The following PRICKLE1 variants were observed in gnomAD, a reference collection of about 807,000 sequenced individuals.
PRICKLE1 encodes the protein prickle planar cell polarity protein 1.
A neutral mutation model predicts 70.2 loss-of-function variants in PRICKLE1; 14 were observed. The ratio of observed to expected loss-of-function variants is 0.20; its 90% confidence interval spans 0.13 to 0.31. The LOEUF is 0.31. Among genes scored for constraint, PRICKLE1 ranks in the 10% least tolerant of loss-of-function variants. PRICKLE1 has a pLI of 1.00. For missense variants in PRICKLE1, 821 were observed against 1,026.2 expected, an observed-to-expected ratio of 0.80 and a Z score of 2.73; for synonymous variants, 357 against 379.9, an observed-to-expected ratio of 0.94 and a Z score of 0.70.
At chr12:42,547,689 G>A (rs1254560700) in intron 1 of PRICKLE1, among the ~76,000 whole-genome samples, 1 of 152,068 alleles carries the variant, frequency 6.6e-6, no homozygotes, top group Non-Finnish European at 1.5e-5. Context: ...TAAAAGCTAG[G>A]AGCTGGATAA....
At chr12:42,534,883 A>T (rs1404060200) in intron 1 of PRICKLE1, among the ~76,000 whole-genome samples, 2 of 152,242 alleles carry the variant, frequency 1.3e-5, no homozygotes, top group Non-Finnish European at 2.9e-5. Context: ...AGTAAGGACA[A>T]AGAAAATATG....
At chr12:42,504,676 G>A (rs946827287) in intron 1 of PRICKLE1, among the ~76,000 whole-genome samples, 3 of 152,156 alleles carry the variant, frequency 2.0e-5, no homozygotes, top group Admixed American at 6.5e-5. Flanking sequence ...ACACAAGGGC[G>A]GGAATGCAGC....
chr12:42,471,770 T>C (rs1938331189), intron 2 of PRICKLE1, among the ~76,000 whole-genome samples: 1 of 152,234 alleles, frequency 6.6e-6, no homozygotes, highest in Non-Finnish European at 1.5e-5. Flanking sequence ...TGTAAAGATA[T>C]TGGGAAAATT....
At chr12:42,522,210 A>G (rs888789533) in intron 1 of PRICKLE1, among the ~76,000 whole-genome samples, 2 of 152,040 alleles carry the variant, frequency 1.3e-5, no homozygotes, top group Non-Finnish European at 2.9e-5. Context: ...ACCAGACCTC[A>G]GGTGATCCAC....
At chr12:42,528,543 G>A (rs917990741) in intron 1 of PRICKLE1, among the ~76,000 whole-genome samples, 2 of 152,142 alleles carry the variant, frequency 1.3e-5, no homozygotes, top group African/African-American at 4.8e-5. Context: ...GCCTTTAAAT[G>A]TCATTTCATA....
At chr12:42,579,205 T>C (rs1206144442) in intron 1 of PRICKLE1, among the ~76,000 whole-genome samples, 1 of 152,200 alleles carries the variant, frequency 6.6e-6, no homozygotes, top group Non-Finnish European at 1.5e-5. Context: ...TGGGGAGTGC[T>C]AGATGGTGAC....
intron 1 of PRICKLE1, among the ~76,000 whole-genome samples, chr12:42,555,272 C>T (rs755226232): frequency 5.5e-4 from 83 of 152,128 alleles, no homozygotes; most frequent in Non-Finnish European, 3.1e-4. Flanking sequence ...CCATTGCACT[C>T]CAGTCTGGGT....
At chr12:42,550,731 A>G (rs1428225425) in intron 1 of PRICKLE1, among the ~76,000 whole-genome samples, 1 of 152,236 alleles carries the variant, frequency 6.6e-6, no homozygotes. Flanking sequence ...ACTTAGAACC[A>G]GCAAGTCAAC....
At position 42,535,457 on chromosome 12, in the gene PRICKLE1, T is replaced by G. The variant is rs931667274; in HGVS notation, c.-49+54008A>C. The stretch of plus-strand genomic sequence containing the variant: ...GGATCAGAGTCAGTATAGAGGAAAC[T>G]GATATGAGGGTCAACAAAGGCCAGT... On this transcript the variant is annotated intron_variant, in intron 1 of 7. Coordinates refer to ENST00000345127, the MANE Select transcript of PRICKLE1 (RefSeq NM_153026.3). Among the ~76,000 whole-genome samples, 6 of 151,790 alleles carry G rather than the reference T, an allele frequency of 4.0e-5. 1 individual carries two copies. In the South Asian group the frequency reaches 1.3e-3, roughly 32 times the overall value.
At chr12:42,585,852 A>C (rs1277926016) in intron 1 of PRICKLE1, among the ~76,000 whole-genome samples, 1 of 152,106 alleles carries the variant, frequency 6.6e-6, no homozygotes, top group African/African-American at 2.4e-5. Context: ...GAAGCGCTAC[A>C]TTTCTGTGTG....
At chr12:42,532,201 T>C (rs549648830) in intron 1 of PRICKLE1, among the ~76,000 whole-genome samples, 4 of 152,202 alleles carry the variant, frequency 2.6e-5, no homozygotes, top group Non-Finnish European at 5.9e-5. Context: ...AATTTTCATT[T>C]TCCTAGCAAT....
chr12:42,523,455 C>G (rs2120492361), intron 1 of PRICKLE1, among the ~76,000 whole-genome samples: 1 of 152,346 alleles, frequency 6.6e-6, no homozygotes, highest in Middle Eastern at 3.4e-3. Context: ...CTTTTTCACA[C>G]TAGTGCATCT....
chr12:42,532,907 A>AC, intron 1 of PRICKLE1, among the ~76,000 whole-genome samples: 1 of 151,752 alleles, frequency 6.6e-6, no homozygotes, highest in Non-Finnish European at 1.5e-5. Flanking sequence ...AAAAAAAAAA[A>AC]AAAATTGTGT....
intron 1 of PRICKLE1, among the ~76,000 whole-genome samples, chr12:42,585,795 G>C (rs1940977408): frequency 6.6e-6 from 1 of 152,134 alleles, no homozygotes; most frequent in Non-Finnish European, 1.5e-5. Context: ...CTTCAGTTCA[G>C]CATGACCATA....
At chr12:42,479,685 A>G (rs2140147800) in intron 1 of PRICKLE1, among the ~76,000 whole-genome samples, 1 of 152,318 alleles carries the variant, frequency 6.6e-6, no homozygotes, top group African/African-American at 2.4e-5. Flanking sequence ...CACCGGGTGC[A>G]GTGGCTCATG....
intron 1 of PRICKLE1, among the ~76,000 whole-genome samples, chr12:42,578,841 C>A (rs1940849315): frequency 6.6e-6 from 1 of 152,132 alleles, no homozygotes; most frequent in Admixed American, 6.5e-5. Flanking sequence ...TGGCTCACTG[C>A]AACCTCAGCC....
chr12:42,479,116 G>A (rs190461169), intron 1 of PRICKLE1, among the ~76,000 whole-genome samples: 16 of 152,284 alleles, frequency 1.1e-4, no homozygotes, highest in African/African-American at 2.6e-4. Context: ...AGAATTTCAC[G>A]ACCATAAAGA....
chr12:42,576,986 A>ATC (rs1254201397), intron 1 of PRICKLE1, among the ~76,000 whole-genome samples: 7 of 152,182 alleles, frequency 4.6e-5, no homozygotes, highest in Admixed American at 2.6e-4. Flanking sequence ...GGAAGATAAG[A>ATC]AAGTTATTAG....
chr12:42,558,865 A>T (rs1023045593), intron 1 of PRICKLE1, among the ~76,000 whole-genome samples: 1 of 152,218 alleles, frequency 6.6e-6, no homozygotes, highest in African/African-American at 2.4e-5. Flanking sequence ...GAATTAGTTA[A>T]TTTTTCTTAG....
Sources: gnomAD v4.1 joint callset for allele counts (sites outside exome capture counted in the v4.1 genomes callset) on GRCh38, gnomAD v4.1.1 for gene constraint, MANE v1.5 for transcripts, NCBI Gene and HGNC (gene_info 2026-07-23, HGNC 2026-07-21) for gene names.